The following MAML2 variants were observed in gnomAD, a reference collection of about 807,000 sequenced individuals.
The protein encoded by MAML2 is mastermind like transcriptional coactivator 2, also known as mastermind-like protein 2.
MAML2 carries 22 observed loss-of-function variants against 96.1 expected under a neutral mutation model. The ratio of observed to expected loss-of-function variants is 0.23; its 90% confidence interval spans 0.16 to 0.33. MAML2 has a LOEUF of 0.33. Ranked by LOEUF, MAML2 falls within the 10% of genes least tolerant of loss-of-function variation. MAML2 has a pLI of 1.00. For missense variants in MAML2, 1,367 were observed against 1,392.4 expected (o/e 0.98, Z 0.29); for synonymous variants, 561 against 521.3 (o/e 1.08, Z -1.04).
At chr11:96,052,368 C>A (rs1565200237) in intron 2 of MAML2, among the ~76,000 whole-genome samples, 1 of 137,022 alleles carries the variant, frequency 7.3e-6, no homozygotes, top group Non-Finnish European at 1.5e-5. Flanking sequence ...TTCTTACTCC[C>A]CAGAAAGGGG....
chr11:96,232,095 G>GC (rs1224171253), intron 1 of MAML2, among the ~76,000 whole-genome samples: 2 of 152,154 alleles, frequency 1.3e-5, no homozygotes, highest in African/African-American at 4.8e-5. Flanking sequence ...GTGGTATCCT[G>GC]CCATTCACAT....
chr11:96,321,597 T>C (rs1459581416), intron 1 of MAML2, among the ~76,000 whole-genome samples: 1 of 152,228 alleles, frequency 6.6e-6, no homozygotes, highest in Non-Finnish European at 1.5e-5. Context: ...GTTCTCCTAA[T>C]GGGACTAGTA....
chr11:96,157,804 A>T (rs1861036523), intron 1 of MAML2, among the ~76,000 whole-genome samples: 1 of 152,214 alleles, frequency 6.6e-6, no homozygotes. Flanking sequence ...AAAGAATCCA[A>T]ATAAAAAGGT....
intron 1 of MAML2, among the ~76,000 whole-genome samples, chr11:96,320,206 C>T (rs760495948): frequency 1.3e-5 from 2 of 152,202 alleles, no homozygotes; most frequent in Non-Finnish European, 2.9e-5. Context: ...GAATGAACTC[C>T]TTGTTATATT....
At chr11:96,123,839 C>G (rs1384837541) in intron 1 of MAML2, among the ~76,000 whole-genome samples, 1 of 151,842 alleles carries the variant, frequency 6.6e-6, no homozygotes, top group Non-Finnish European at 1.5e-5. Context: ...TTTGGGAGGC[C>G]GAGGTAGGTG....
At position 96,181,119 on chromosome 11, in the gene MAML2, T is replaced by C. The variant is rs143586674; in HGVS notation, c.514-87602A>G. 3.9e-5 allele frequency among the ~76,000 whole-genome samples: 6 copies of C among 152,318 alleles called. 1 individual carries two copies. Among genetic ancestry groups the C allele is most frequent in the African/African-American group, 4.8e-5 (2 of 41,562 alleles). On this transcript the variant is annotated intron_variant, in intron 1 of 4. Transcript: ENST00000524717. Reference sequence around the variant, plus strand: ...ATCAGTTAAGGTGGGGCAGGGCATATTCACTTCTTTTGTGATTCTTCAGTT... The same window carrying C: ...ATCAGTTAAGGTGGGGCAGGGCATACTCACTTCTTTTGTGATTCTTCAGTT...
intron 1 of MAML2, among the ~76,000 whole-genome samples, chr11:96,111,582 T>C (rs1860124642): frequency 6.6e-6 from 1 of 152,188 alleles, no homozygotes; most frequent in Non-Finnish European, 1.5e-5. Context: ...GAAAAGGAAA[T>C]GGCACATCTT....
At chr11:96,244,250 C>T (rs1862482062) in intron 1 of MAML2, among the ~76,000 whole-genome samples, 1 of 152,218 alleles carries the variant, frequency 6.6e-6, no homozygotes, top group Non-Finnish European at 1.5e-5. Context: ...AAACTACAAA[C>T]ATTTGACTGC....
chr11:95,998,141 A>AGTCAGTCT (rs369718219), intron 2 of MAML2, among the ~76,000 whole-genome samples: 2 of 143,652 alleles, frequency 1.4e-5, no homozygotes, highest in African/African-American at 2.6e-5. Context: ...TCTGTCTGTC[A>AGTCAGTCT]GTCTGTCTGT....
intron 1 of MAML2, among the ~76,000 whole-genome samples, chr11:96,153,486 T>C (rs982051092): frequency 1.3e-5 from 2 of 152,346 alleles, no homozygotes; most frequent in Admixed American, 1.3e-4. Flanking sequence ...AGGATTAATT[T>C]TGGTTTTTTA....
At chr11:96,171,069 C>T (rs545538843) in intron 1 of MAML2, among the ~76,000 whole-genome samples, 4 of 151,876 alleles carry the variant, frequency 2.6e-5, no homozygotes, top group Non-Finnish European at 5.9e-5. Context: ...CTAGTTGAGC[C>T]CTGGGTTCCC....
chr11:96,117,599 A>G (rs1210554438), intron 1 of MAML2, among the ~76,000 whole-genome samples: 1 of 152,136 alleles, frequency 6.6e-6, no homozygotes, highest in Non-Finnish European at 1.5e-5. Flanking sequence ...CATGCCCAGC[A>G]CAAAGCTCTT....
At chr11:96,015,593 G>C (rs1465130262) in intron 2 of MAML2, among the ~76,000 whole-genome samples, 1 of 125,044 alleles carries the variant, frequency 8.0e-6, no homozygotes, top group Non-Finnish European at 1.7e-5. Flanking sequence ...AAGGGGGGGG[G>C]GGCAATTCAT....
chr11:96,067,536 A>G (rs1590991370), intron 2 of MAML2, among the ~76,000 whole-genome samples: 1 of 152,170 alleles, frequency 6.6e-6, no homozygotes, highest in South Asian at 2.1e-4. Flanking sequence ...TCTATGCAGG[A>G]TAAGTCAAGA....
chr11:96,097,760 G>C (rs1459466003), intron 1 of MAML2, among the ~76,000 whole-genome samples: 1 of 152,174 alleles, frequency 6.6e-6, no homozygotes, highest in South Asian at 2.1e-4. Flanking sequence ...TTCTATGAAA[G>C]CCTCTCACCT....
At chr11:96,240,734 A>G (rs1862426941) in intron 1 of MAML2, among the ~76,000 whole-genome samples, 2 of 152,218 alleles carry the variant, frequency 1.3e-5, no homozygotes, top group Admixed American at 1.3e-4. Flanking sequence ...TGATGTACAA[A>G]TTAGTCTTCC....
intron 2 of MAML2, among the ~76,000 whole-genome samples, chr11:96,011,647 T>C (rs1049888658): frequency 3.3e-5 from 5 of 152,076 alleles, no homozygotes; most frequent in African/African-American, 9.7e-5. Flanking sequence ...ACGGGATCAA[T>C]AGAAGCCCAA....
chr11:96,203,763 G>C (rs1255573059), intron 1 of MAML2, among the ~76,000 whole-genome samples: 1 of 152,172 alleles, frequency 6.6e-6, no homozygotes, highest in Non-Finnish European at 1.5e-5. Flanking sequence ...ATCAGTGCAG[G>C]TCAGCCATGC....
At chr11:96,145,596 C>T (rs1860802757) in intron 1 of MAML2, among the ~76,000 whole-genome samples, 1 of 152,218 alleles carries the variant, frequency 6.6e-6, no homozygotes, top group South Asian at 2.1e-4. Context: ...GGTCCTGTCT[C>T]TTTCACTTAT....
Sources: allele counts gnomAD v4.1 joint callset (sites outside exome capture counted in the v4.1 genomes callset), GRCh38; gene constraint gnomAD v4.1.1; transcripts MANE v1.5; gene names NCBI Gene and HGNC (gene_info 2026-07-23, HGNC 2026-07-21).